MLC1: variants seen among roughly 807,000 people sequenced by gnomAD.
MLC1 encodes modulator of VRAC current 1.
MLC1 carries 32 observed loss-of-function variants against 44.7 expected under a neutral mutation model. The observed-to-expected ratio is 0.72, with a 90% CI of 0.54 to 0.96. The LOEUF is 0.96. Ranked by LOEUF, MLC1 falls within the 40% of genes least tolerant of loss-of-function variation. The probability of loss-of-function intolerance (pLI) is 0.00; values close to 1 mark genes in which losing one functional copy is unlikely to be tolerated. For missense variants in MLC1, 459 were observed against 492.2 expected (o/e 0.93, Z 0.64); for synonymous variants, 190 against 213.0 (o/e 0.89, Z 0.94).
At position 50,077,208 on chromosome 22, in the gene MLC1, G is replaced by A. The variant is rs189389154; in HGVS notation, c.525+193C>T. Among the ~76,000 whole-genome samples the A allele has an allele frequency of 4.1e-3, 630 of 152,280 alleles. 6 individuals carry two copies. The highest frequency in any genetic ancestry group is 0.014 in the African/African-American group (586 of 41,558). ...CTGTCTTCACCTCCCTGTAGCCAGC[G>A]GCCGCCAACCCCTCACCCAGCTCCA... On this transcript the variant is annotated intron_variant, in intron 6 of 11. Coordinates refer to ENST00000311597, the MANE Select transcript of MLC1 (RefSeq NM_015166.4).
chr22:50,061,648 T>C lies in MLC1; in HGVS notation c.1069A>G (p.Ser357Gly). Reference protein sequence around the residue: ...QERLAGEVARSPLKEFDKEKA... With the variant: ...QERLAGEVARGPLKEFDKEKA... ...TCCTTGTCGAACTCCTTCAGGGGGCTCCTGGCCACCTGCAACCGAGACAGG... is the reference window on the plus strand; with the variant it reads ...TCCTTGTCGAACTCCTTCAGGGGGCCCCTGGCCACCTGCAACCGAGACAGG... The change falls in exon 12 of 12, where the codon AGC becomes GGC. Residue 357 changes from serine to glycine, a missense_variant. By Grantham distance (56) the Ser-to-Gly change is moderately conservative. Transcript: ENST00000311597. 6.2e-7 allele frequency: 1 copy of C among 1,613,392 alleles called. No individual in the cohort carries two copies. Among genetic ancestry groups the C allele is most frequent in the Non-Finnish European group, 8.5e-7 (1 of 1,179,916 alleles).
chr22:50,070,673 T>A (rs572523989), intron 8 of MLC1, 90 bp from the exon 9 acceptor site: 1 of 1,351,714 alleles, frequency 7.4e-7, no homozygotes. Context: ...GACCCCTCCA[T>A]GCAGGCTGCC....
intron 8 of MLC1, among the ~76,000 whole-genome samples, chr22:50,073,104 G>A (rs1055731690): frequency 6.6e-6 from 1 of 152,108 alleles, no homozygotes; most frequent in Admixed American, 6.6e-5. Flanking sequence ...CCATTCCCGG[G>A]CAGGCGTGGG....
In MLC1 at chr22:50,078,152, C is replaced by T. The variant is rs538480014; in HGVS notation, c.424-650G>A. Reference sequence around the variant, plus strand: ...GGGTTACAGGCACCTACCAGCACGCCCGGCTAATTTTGTATTTTTAGTAGA... The same window carrying T: ...GGGTTACAGGCACCTACCAGCACGCTCGGCTAATTTTGTATTTTTAGTAGA... On this transcript the variant is annotated intron_variant, in intron 5 of 11. Coordinates refer to ENST00000311597, the MANE Select transcript of MLC1 (RefSeq NM_015166.4). Among the ~76,000 whole-genome samples the T allele has an allele frequency of 6.3e-4, 96 of 152,022 alleles. No individual in the cohort carries two copies. The Middle Eastern group carries it at 0.01, about 16-fold the overall frequency.
At chr22:50,074,713 G>T (rs922911428) in intron 7 of MLC1, 1 of 311,748 alleles carries the variant, frequency 3.2e-6, no homozygotes, top group African/African-American at 2.2e-5. Flanking sequence ...AAGGGACTCG[G>T]GAAAACAGGC....
At chr22:50,076,788 A>G (rs926684043) in intron 7 of MLC1, 53 bp downstream of exon 7, 2 of 1,576,118 alleles carry the variant, frequency 1.3e-6, no homozygotes, top group African/African-American at 1.3e-5. Flanking sequence ...ATCCAGCCTC[A>G]GTCACCCCCG....
chr22:50,078,280 C>T (rs1402895251), intron 5 of MLC1, among the ~76,000 whole-genome samples: 4 of 151,968 alleles, frequency 2.6e-5, no homozygotes, highest in South Asian at 4.2e-4. Context: ...CGTGAGCCAC[C>T]GCGCCCGGCC....
At chr22:50,073,640 G>T (rs2061911145) in intron 8 of MLC1, among the ~76,000 whole-genome samples, 1 of 152,144 alleles carries the variant, frequency 6.6e-6, no homozygotes, top group African/African-American at 2.4e-5. Flanking sequence ...GGCTGAGGTG[G>T]GCAAATTACT....
intron 2 of MLC1, among the ~76,000 whole-genome samples, 162 bp downstream of exon 2, chr22:50,084,564 C>T (rs901854398): frequency 2.0e-5 from 3 of 152,258 alleles, no homozygotes; most frequent in Non-Finnish European, 4.4e-5. Flanking sequence ...ATTGTGAAAA[C>T]ACAAGCAAAA....
chr22:50,079,864 G>T, intron 5 of MLC1, 54 bp downstream of exon 5: 1 of 1,248,736 alleles, frequency 8.0e-7, no homozygotes, highest in Non-Finnish European at 1.2e-6. Context: ...GACACCATTC[G>T]TGGGAGTGGG....
At chr22:50,067,959 AAAACAAAAAAAC>A (rs1422629808) in intron 10 of MLC1, among the ~76,000 whole-genome samples, 1 of 117,716 alleles carries the variant, frequency 8.5e-6, no homozygotes, top group Non-Finnish European at 2.0e-5. Flanking sequence ...TGGAAAAAAA[AAAACAAAAAAAC>A]AAAAAAACAC....
chr22:50,064,308 G>A (rs2061657590), intron 10 of MLC1, 110 bp from the exon 11 acceptor site: 2 of 1,353,044 alleles, frequency 1.5e-6, no homozygotes, highest in East Asian at 2.5e-5. Context: ...CAGGGCTCGA[G>A]TCGGAGCCCC....
At chr22:50,076,802 G>C (rs372404757) in intron 7 of MLC1, 39 bp downstream of exon 7, 91 of 1,599,724 alleles carry the variant, frequency 5.7e-5, no homozygotes, top group Non-Finnish European at 7.6e-5. Flanking sequence ...ACCCCCGACA[G>C]AGTATGAGAG....
rs369254179 is a variant in MLC1 at position 50,067,955 on chromosome 22, AAAAAAAAC to A, written c.894+470_894+477del. 7.5e-4 allele frequency among the ~76,000 whole-genome samples: 108 copies of A among 143,962 alleles called. 1 individual carries two copies. Among genetic ancestry groups the A allele is most frequent in the Middle Eastern group, 7.0e-3 (2 of 284 alleles). 94.4% of individuals were successfully genotyped at this position (143,962 alleles called of 152,430 possible). ...GGTGCAAAACCACTTATACTGGAAA[AAAAAAAAC>A]AAAAAAACAAAAAAACACTAGGTAT... On this transcript the variant is annotated intron_variant, in intron 10 of 11. Transcript: ENST00000311597.
intron 7 of MLC1, chr22:50,074,727 G>A (rs1197311728): frequency 3.0e-5 from 9 of 301,346 alleles, no homozygotes; most frequent in Admixed American, 8.6e-5. Flanking sequence ...AACAGGCCTG[G>A]GGCAGAAGTA....
chr22:50,079,765 C>A (rs921241192), intron 5 of MLC1, among the ~76,000 whole-genome samples, 153 bp downstream of exon 5: 3 of 152,144 alleles, frequency 2.0e-5, no homozygotes, highest in African/African-American at 4.8e-5. Context: ...CAATTATTTT[C>A]TTTGGATGCA....
In MLC1 at chr22:50,083,036, G is replaced by T. The variant is rs765862361; in HGVS notation, c.267+48C>A. 5 of 1,556,556 alleles carry T rather than the reference G, an allele frequency of 3.2e-6. No individual in the cohort carries two copies. The highest frequency in any genetic ancestry group is 4.4e-6 in the Non-Finnish European group (5 of 1,128,414). ...TCTCAGAACAAAGAAACCAGAGCAC[G>T]TGCCGGCGAGCTTGGGCACTGGCAG... is the stretch of plus-strand genomic sequence containing the variant. On this transcript the variant is annotated intron_variant, in intron 3 of 11. Coordinates refer to ENST00000311597, the MANE Select transcript of MLC1 (RefSeq NM_015166.4). This position sits in a 1 kb window ranked among gnomAD's most constrained non-coding sequence, Gnocchi z 4.6.
intron 11 of MLC1, among the ~76,000 whole-genome samples, chr22:50,062,931 T>C (rs1158163632): frequency 6.6e-6 from 1 of 152,140 alleles, no homozygotes; most frequent in Non-Finnish European, 1.5e-5. Flanking sequence ...GGGAACATTG[T>C]TCAGGCAGTG....
rs752098229 is a variant in MLC1, at chr22:50,077,350, G to A, written c.525+51C>T. ...CGCTGAGACCCACCTCGCTCACCCT[G>A]GGGTGATGCCTCTGCACCCCCTGCC... On this transcript the variant is annotated intron_variant, in intron 6 of 11. Transcript: ENST00000311597. 6 of 1,528,480 alleles carry A rather than the reference G, an allele frequency of 3.9e-6. No individual in the cohort carries two copies. The South Asian group carries it at 6.8e-5, about 17-fold the overall frequency. 94.7% of individuals were successfully genotyped at this position (1,528,480 alleles called of 1,614,324 possible).
Sources: allele counts gnomAD v4.1 joint callset (sites outside exome capture counted in the v4.1 genomes callset), GRCh38; gene constraint gnomAD v4.1.1; non-coding constraint Gnocchi (gnomAD v3.1); transcripts MANE v1.5; gene names NCBI Gene and HGNC (gene_info 2026-07-23, HGNC 2026-07-21).